FOXO1: variants seen among roughly 807,000 people sequenced by gnomAD.
FOXO1 encodes forkhead box protein O1.
A neutral mutation model predicts 44.1 loss-of-function variants in FOXO1; 6 were observed. The observed-to-expected ratio is 0.14, with a 90% confidence interval of 0.07 to 0.27. The LOEUF is 0.27. Ranked by LOEUF, FOXO1 falls within the 10% of genes least tolerant of loss-of-function variation. The pLI is 1.00. For synonymous variants in FOXO1, 380 were observed against 362.7 expected (o/e 1.05, Z -0.54); for missense variants, 737 against 888.8 (o/e 0.83, Z 2.17).
intron 1 of FOXO1, among the ~76,000 whole-genome samples, chr13:40,600,858 T>C (rs1875792142): frequency 6.6e-6 from 1 of 152,190 alleles, no homozygotes; most frequent in African/African-American, 2.4e-5. Flanking sequence ...CTAACAGACT[T>C]TTATTTAGAC....
At chr13:40,564,812 C>T (rs969209250) in intron 1 of FOXO1, among the ~76,000 whole-genome samples, 1 of 152,190 alleles carries the variant, frequency 6.6e-6, no homozygotes, top group Non-Finnish European at 1.5e-5. Context: ...CTCCTCTCCA[C>T]TAGCTTGTTT....
At chr13:40,610,265 A>G (rs542606731) in intron 1 of FOXO1, among the ~76,000 whole-genome samples, 20 of 152,262 alleles carry the variant, frequency 1.3e-4, no homozygotes, top group African/African-American at 4.1e-4. Context: ...ATATATGTCT[A>G]TAACAGTGAA....
intron 1 of FOXO1, among the ~76,000 whole-genome samples, chr13:40,608,862 T>C (rs1393740005): frequency 6.6e-6 from 1 of 152,210 alleles, no homozygotes; most frequent in Non-Finnish European, 1.5e-5. Flanking sequence ...GTCATGATCA[T>C]GGTTAATTTA....
intron 1 of FOXO1, among the ~76,000 whole-genome samples, chr13:40,602,822 CAT>C (rs989651533): frequency 6.6e-6 from 1 of 152,142 alleles, no homozygotes; most frequent in African/African-American, 2.4e-5. Flanking sequence ...TTAGTTGACA[CAT>C]GTGAAGATGG....
At chr13:40,574,723 A>G (rs988402471) in intron 1 of FOXO1, among the ~76,000 whole-genome samples, 11 of 152,102 alleles carry the variant, frequency 7.2e-5, no homozygotes, top group African/African-American at 2.7e-4. Context: ...TAATTTAGCT[A>G]AATTCTGACA....
At chr13:40,566,840 C>T (rs1471211028) in intron 1 of FOXO1, among the ~76,000 whole-genome samples, 4 of 152,224 alleles carry the variant, frequency 2.6e-5, no homozygotes, top group East Asian at 1.9e-4. Flanking sequence ...CAGTCTATCA[C>T]GGTAGTCTTC....
chr13:40,582,886 T>G (rs1875010472), intron 1 of FOXO1, among the ~76,000 whole-genome samples: 1 of 152,248 alleles, frequency 6.6e-6, no homozygotes. Context: ...CACAAATTTC[T>G]TAATGGCATC....
chr13:40,650,997 T>C (rs1877662224), intron 1 of FOXO1, among the ~76,000 whole-genome samples: 1 of 152,226 alleles, frequency 6.6e-6, no homozygotes, highest in South Asian at 2.1e-4. Context: ...TCAAGTGATC[T>C]GCTGACTTCA....
intron 1 of FOXO1, among the ~76,000 whole-genome samples, chr13:40,612,068 CAATA>C (rs1252503171): frequency 6.6e-6 from 1 of 151,818 alleles, no homozygotes; most frequent in Non-Finnish European, 1.5e-5. Context: ...GACCCTGTCT[CAATA>C]AATAAATAAA....
intron 1 of FOXO1, among the ~76,000 whole-genome samples, chr13:40,616,922 G>C (rs527606056): frequency 6.6e-6 from 1 of 152,136 alleles, no homozygotes. Context: ...TGAGCTTCTC[G>C]GGGCTCCTTT....
At chr13:40,595,368 G>A (rs541457552) in intron 1 of FOXO1, among the ~76,000 whole-genome samples, 1 of 152,262 alleles carries the variant, frequency 6.6e-6, no homozygotes, top group East Asian at 1.9e-4. Context: ...GGGATCATCA[G>A]GGATCTATCT....
chr13:40,666,585 A>C lies in FOXO1; in HGVS notation c.-373T>G. The C allele has an allele frequency of 1.9e-5, 4 of 207,902 alleles. No individual in the cohort carries two copies. Among genetic ancestry groups the C allele is most frequent in the Middle Eastern group, 1.7e-3 (1 of 606 alleles). 12.9% of individuals were successfully genotyped at this position (207,902 alleles called of 1,614,324 possible). ...CGCCCGCTGCGCTGCTGCCTGTTGA[A>C]TGTGGCGGCTGCGGCAGCGGCTGCT... is the stretch of plus-strand genomic sequence containing the variant. On this transcript the variant is annotated 5_prime_UTR_variant, in exon 1 of 3. Transcript: ENST00000379561.
rs1211317201 is a variant in FOXO1, at chr13:40,558,564, G to A, written c.*485C>T. 2.6e-4 allele frequency: 75 copies of A among 290,950 alleles called. No individual in the cohort carries two copies. Among genetic ancestry groups the A allele is most frequent in the East Asian group, 5.5e-5 (1 of 18,158 alleles). 18.0% of individuals were successfully genotyped at this position (290,950 alleles called of 1,614,324 possible). On this transcript the variant is annotated 3_prime_UTR_variant, in exon 3 of 3. Transcript: ENST00000379561. Reference sequence around the variant, plus strand: ...CAGTTCTTTGTGATCCGTCAGTTCCGCAGAAAACAGGTAGTACAAACAAAA... The same window carrying A: ...CAGTTCTTTGTGATCCGTCAGTTCCACAGAAAACAGGTAGTACAAACAAAA...
intron 1 of FOXO1, among the ~76,000 whole-genome samples, chr13:40,615,657 T>A (rs1002187743): frequency 1.3e-5 from 2 of 152,024 alleles, no homozygotes; most frequent in Non-Finnish European, 2.9e-5. Flanking sequence ...GAAGACTGCT[T>A]TGAAAAGGTG....
At chr13:40,612,827 G>GTA (rs1876280925) in intron 1 of FOXO1, among the ~76,000 whole-genome samples, 1 of 152,120 alleles carries the variant, frequency 6.6e-6, no homozygotes, top group Non-Finnish European at 1.5e-5. Flanking sequence ...AGGTATGTAG[G>GTA]TATAGGGAAA....
chr13:40,592,112 C>G (rs1875397082), intron 1 of FOXO1, among the ~76,000 whole-genome samples: 1 of 152,190 alleles, frequency 6.6e-6, no homozygotes. Flanking sequence ...ACTGTGACAT[C>G]TGTATCCTCA....
At chr13:40,619,458 G>A in intron 1 of FOXO1, 1 of 1,248,256 alleles carries the variant, frequency 8.0e-7, no homozygotes, top group Admixed American at 1.7e-5. Context: ...GGAGAGCTGT[G>A]AGTCGAACAA....
chr13:40,586,928 G>A (rs1875189638), intron 1 of FOXO1, among the ~76,000 whole-genome samples: 1 of 152,158 alleles, frequency 6.6e-6, no homozygotes, highest in African/African-American at 2.4e-5. Context: ...TTGCTAAAGT[G>A]TTTTTAAACT....
At chr13:40,614,786 A>T (rs1876362547) in intron 1 of FOXO1, among the ~76,000 whole-genome samples, 1 of 152,236 alleles carries the variant, frequency 6.6e-6, no homozygotes, top group African/African-American at 2.4e-5. Flanking sequence ...GAGCACAGAG[A>T]TCCTCTCAAA....
Sources: gnomAD v4.1 joint callset for allele counts (sites outside exome capture counted in the v4.1 genomes callset) on GRCh38, gnomAD v4.1.1 for gene constraint, MANE v1.5 for transcripts, NCBI Gene and HGNC (gene_info 2026-07-23, HGNC 2026-07-21) for gene names.